Variants in CACNA1E observed in about 807,000 individuals in gnomAD.
The protein encoded by CACNA1E is voltage-dependent R-type calcium channel subunit alpha-1E.
A neutral mutation model predicts 259.2 loss-of-function variants in CACNA1E; 40 were observed. The observed-to-expected ratio is 0.15, with a 90% CI of 0.12 to 0.20. The LOEUF is 0.20. CACNA1E is among the 10% of genes least tolerant of loss of function. The pLI is 1.00. For synonymous variants in CACNA1E, 1,104 were observed against 1,138.5 expected, an observed-to-expected ratio of 0.97 and a Z score of 0.61; for missense variants, 1,874 against 3,040.1, an observed-to-expected ratio of 0.62 and a Z score of 9.02.
At chr1:181,493,244 A>G (rs1225258400) in intron 1 of CACNA1E, among the ~76,000 whole-genome samples, 1 of 152,226 alleles carries the variant, frequency 6.6e-6, no homozygotes, top group Non-Finnish European at 1.5e-5. Flanking sequence ...CTGGGCTATC[A>G]GGAGTAGTGA....
intron 6 of CACNA1E, among the ~76,000 whole-genome samples, chr1:181,600,133 A>G (rs1050322361): frequency 6.6e-6 from 1 of 151,964 alleles, no homozygotes; most frequent in Non-Finnish European, 1.5e-5. Flanking sequence ...TGGGAGGGAA[A>G]GCCCTGGGAT....
intron 1 of CACNA1E, among the ~76,000 whole-genome samples, chr1:181,411,377 C>T (rs1272629459): frequency 6.6e-6 from 1 of 152,314 alleles, no homozygotes; most frequent in South Asian, 2.1e-4. Context: ...TGGCTTTGGA[C>T]TCAACCTTTA....
chr1:181,437,142 G>A (rs1347995781), intron 2 of CACNA1E, among the ~76,000 whole-genome samples: 2 of 152,130 alleles, frequency 1.3e-5, no homozygotes, highest in African/African-American at 2.4e-5. Context: ...TCTGACATGT[G>A]GTCACCCTGG....
intron 1 of CACNA1E, among the ~76,000 whole-genome samples, chr1:181,508,107 G>A (rs1028312733): frequency 6.6e-6 from 1 of 151,930 alleles, no homozygotes; most frequent in African/African-American, 2.4e-5. Context: ...GTTACAAGGT[G>A]AAGCAAGTTT....
chr1:181,478,956 C>A (rs1448683734), upstream of CACNA1E, among the ~76,000 whole-genome samples: 1 of 152,178 alleles, frequency 6.6e-6, no homozygotes, highest in African/African-American at 2.4e-5. Flanking sequence ...CTGATTGCAG[C>A]TCGATGATAC....
chr1:181,712,954 T>C (rs1212860763), intron 8 of CACNA1E, among the ~76,000 whole-genome samples: 1 of 152,196 alleles, frequency 6.6e-6, no homozygotes, highest in Non-Finnish European at 1.5e-5. Context: ...TTTCTTCCAG[T>C]TGGCAAAGCC....
intron 3 of CACNA1E, among the ~76,000 whole-genome samples, chr1:181,539,056 A>G (rs1324912620): frequency 6.6e-6 from 1 of 152,076 alleles, no homozygotes; most frequent in Non-Finnish European, 1.5e-5. Flanking sequence ...ATTGTGTGCT[A>G]TTTCATGCCT....
chr1:181,766,263 C>T (rs919002598), intron 34 of CACNA1E, among the ~76,000 whole-genome samples: 10 of 152,192 alleles, frequency 6.6e-5, no homozygotes, highest in African/African-American at 2.4e-4. Context: ...GAAGTTTTCC[C>T]AGCTTTCCTT....
At chr1:181,611,520 G>A (rs998799668) in intron 6 of CACNA1E, among the ~76,000 whole-genome samples, 1 of 151,920 alleles carries the variant, frequency 6.6e-6, no homozygotes, top group Admixed American at 6.6e-5. Flanking sequence ...GTGGGTTTTG[G>A]GCAGGTGCAC....
chr1:181,572,433 A>G (rs1296403587), intron 3 of CACNA1E, among the ~76,000 whole-genome samples: 2 of 152,212 alleles, frequency 1.3e-5, no homozygotes, highest in African/African-American at 4.8e-5. Flanking sequence ...GGGTTGAGCC[A>G]TGATCTCTAA....
chr1:181,741,363 A>G (rs1301233777), intron 25 of CACNA1E, among the ~76,000 whole-genome samples: 1 of 152,214 alleles, frequency 6.6e-6, no homozygotes, highest in African/African-American at 2.4e-5. Flanking sequence ...ATGCAGATAA[A>G]ATAATGTGTG....
intron 1 of CACNA1E, among the ~76,000 whole-genome samples, chr1:181,391,817 G>A (rs778213337): frequency 6.6e-6 from 1 of 152,130 alleles, no homozygotes; most frequent in East Asian, 1.9e-4. Context: ...AGGTGGAATA[G>A]AAGGCTGTTG....
At chr1:181,567,000 C>T (rs1272622547) in intron 3 of CACNA1E, among the ~76,000 whole-genome samples, 1 of 152,098 alleles carries the variant, frequency 6.6e-6, no homozygotes, top group African/African-American at 2.4e-5. Context: ...ATGCATAAGG[C>T]AGCTCCCCAC....
intron 1 of CACNA1E, among the ~76,000 whole-genome samples, chr1:181,369,095 C>T (rs1266572751): frequency 3.3e-5 from 5 of 152,180 alleles, no homozygotes; most frequent in Admixed American, 2.0e-4. Context: ...TTTGTCTAAG[C>T]GACTCCACTA....
intron 6 of CACNA1E, among the ~76,000 whole-genome samples, chr1:181,593,872 C>G (rs1558163755): frequency 6.6e-6 from 1 of 152,182 alleles, no homozygotes. Flanking sequence ...TTAGGGTAGA[C>G]CTGACATTCA....
intron 1 of CACNA1E, among the ~76,000 whole-genome samples, chr1:181,381,934 C>T (rs56148684): frequency 0.022 from 3,300 of 152,230 alleles, 63 homozygotes; most frequent in Non-Finnish European, 0.029. Flanking sequence ...TGTGGAACTA[C>T]AGCTGCAGAG....
intron 6 of CACNA1E, among the ~76,000 whole-genome samples, chr1:181,617,126 A>AT: frequency 6.6e-6 from 1 of 151,972 alleles, no homozygotes; most frequent in East Asian, 1.9e-4. Flanking sequence ...CAAAGAACCA[A>AT]TTTTTGGTTT....
At chr1:181,760,560 G>A (rs1406264796) in intron 32 of CACNA1E, among the ~76,000 whole-genome samples, 1 of 152,202 alleles carries the variant, frequency 6.6e-6, no homozygotes, top group African/African-American at 2.4e-5. Flanking sequence ...AATAAAAAGG[G>A]AAGGGAAAAA....
At chr1:181,545,954 G>C (rs1263474620) in intron 3 of CACNA1E, among the ~76,000 whole-genome samples, 1 of 151,958 alleles carries the variant, frequency 6.6e-6, no homozygotes, top group African/African-American at 2.4e-5. Flanking sequence ...TGCCTCTAGG[G>C]GGTTGGGGAG....
Sources: gnomAD v4.1 joint callset for allele counts (sites outside exome capture counted in the v4.1 genomes callset) on GRCh38, gnomAD v4.1.1 for gene constraint, MANE v1.5 for transcripts, NCBI Gene and HGNC (gene_info 2026-07-23, HGNC 2026-07-21) for gene names.